Variants in ITPR1 observed in about 807,000 individuals in gnomAD.
The protein encoded by ITPR1 is inositol 1,4,5-trisphosphate-gated calcium channel ITPR1.
ITPR1 carries 96 observed loss-of-function variants against 318.4 expected under a neutral mutation model. The observed-to-expected ratio is 0.30, with a 90% CI of 0.26 to 0.36. The LOEUF (loss-of-function observed/expected upper bound fraction) is 0.36, where lower values mean the gene tolerates loss of function less well. ITPR1 is among the 10% of genes least tolerant of loss of function. The pLI is 1.00. For missense variants in ITPR1, 2,440 were observed against 3,460.2 expected, an observed-to-expected ratio of 0.71 and a Z score of 7.40; for synonymous variants, 1,312 against 1,289.9, an observed-to-expected ratio of 1.02 and a Z score of -0.37.
intron 54 of ITPR1, 149 bp downstream of exon 54, chr3:4,800,749 C>T (rs2048174845): frequency 1.2e-6 from 1 of 811,062 alleles, no homozygotes; most frequent in South Asian, 1.7e-5. Flanking sequence ...CAGGGGATGG[C>T]TGCAGGTGGA....
At chr3:4,644,039 TTCAGCACAGAC>T in intron 7 of ITPR1, 86 bp from the exon 8 acceptor site, 2 of 769,972 alleles carry the variant, frequency 2.6e-6, no homozygotes, top group Non-Finnish European at 4.6e-6. Flanking sequence ...CCTTGCCTTC[TTCAGCACAGAC>T]TCATATGTCT....
At chr3:4,837,463 T>C (rs9853970) in intron 61 of ITPR1, among the ~76,000 whole-genome samples, 147,287 of 152,090 alleles carry the variant, frequency 0.97, 71,513 homozygotes, top group East Asian at 1. Context: ...ATGCCAGGTG[T>C]TGGGGATAAA....
intron 55 of ITPR1, among the ~76,000 whole-genome samples, chr3:4,807,000 A>T (rs1304718942): frequency 1.3e-5 from 2 of 151,944 alleles, no homozygotes; most frequent in Non-Finnish European, 2.9e-5. Context: ...AACACCATAA[A>T]CAGCCTAGGA....
chr3:4,803,688 G>T (rs1352122977), intron 54 of ITPR1, among the ~76,000 whole-genome samples: 3 of 152,118 alleles, frequency 2.0e-5, no homozygotes, highest in Non-Finnish European at 4.4e-5. Flanking sequence ...TTCAGAGGCT[G>T]TCTTCTATGG....
intron 4 of ITPR1, among the ~76,000 whole-genome samples, chr3:4,573,200 C>T (rs553762724): frequency 4.6e-5 from 7 of 152,250 alleles, no homozygotes; most frequent in African/African-American, 9.6e-5. Context: ...TTTATAATCT[C>T]GCCAACAGTG....
At chr3:4,781,647 T>A (rs2046845149) in intron 49 of ITPR1, among the ~76,000 whole-genome samples, 1 of 152,194 alleles carries the variant, frequency 6.6e-6, no homozygotes, top group Non-Finnish European at 1.5e-5. Flanking sequence ...ACTTTAGGAA[T>A]GTTCTTTTAT....
At chr3:4,619,546 G>A (rs1262503288) in intron 4 of ITPR1, among the ~76,000 whole-genome samples, 5 of 104,636 alleles carry the variant, frequency 4.8e-5, no homozygotes, top group East Asian at 2.7e-4. Flanking sequence ...CCCTTCTGCC[G>A]CCCTTTCCCC....
intron 12 of ITPR1, among the ~76,000 whole-genome samples, chr3:4,654,093 T>A (rs1373503715): frequency 2.0e-5 from 3 of 152,208 alleles, no homozygotes; most frequent in Non-Finnish European, 2.9e-5. Flanking sequence ...CTGTTGTTGA[T>A]GATGGTATTT....
rs375866057 is a variant in ITPR1, at chr3:4,495,844, T to C, written c.-17+1338T>C. On this transcript the variant is annotated intron_variant, in intron 2 of 61. Coordinates refer to ENST00000649015, the MANE Select transcript of ITPR1 (RefSeq NM_001378452.1). ...AAATGGACCTCAGTTGATTTGGGGA[T>C]GCTGGTGGTGAGAGGGAAGCTAGGA... 8.5e-5 allele frequency among the ~76,000 whole-genome samples: 13 copies of C among 152,300 alleles called. No homozygotes were observed. In the South Asian group the frequency reaches 2.7e-3, roughly 32 times the overall value.
intron 44 of ITPR1, among the ~76,000 whole-genome samples, chr3:4,762,287 C>T (rs905650548): frequency 4.6e-5 from 7 of 152,194 alleles, no homozygotes; most frequent in African/African-American, 1.7e-4. Flanking sequence ...CTCCTGGTAG[C>T]TTGAAAGCAG....
chr3:4,669,028 G>T (rs1242364102), intron 18 of ITPR1, among the ~76,000 whole-genome samples: 1 of 152,192 alleles, frequency 6.6e-6, no homozygotes, highest in East Asian at 1.9e-4. Flanking sequence ...TGTCACAAAT[G>T]ATTACAATGG....
At chr3:4,653,063 A>C (rs1348723331) in intron 11 of ITPR1, among the ~76,000 whole-genome samples, 1 of 152,172 alleles carries the variant, frequency 6.6e-6, no homozygotes, top group Non-Finnish European at 1.5e-5. Context: ...TTACCTTTTA[A>C]TTTTTGTATC....
chr3:4,764,133 C>A (rs185045410), intron 44 of ITPR1, among the ~76,000 whole-genome samples: 97 of 152,290 alleles, frequency 6.4e-4, no homozygotes, highest in African/African-American at 2.3e-3. Flanking sequence ...AATTCAGTCA[C>A]CATAATTAGG....
Position 4,672,816 on chromosome 3 carries a change from A to G in ITPR1, c.2205-320A>G, listed in dbSNP as rs79546819. 0.057 allele frequency among the ~76,000 whole-genome samples: 8,677 copies of G among 152,224 alleles called. 357 individuals carry two copies. The highest frequency in any genetic ancestry group is 0.093 in the African/African-American group (3,868 of 41,528). On this transcript the variant is annotated intron_variant, in intron 20 of 61. Coordinates refer to ENST00000649015, the MANE Select transcript of ITPR1 (RefSeq NM_001378452.1). ...ATAGACAACCATCTTAGGCCTTAGC[A>G]TTCCCCCCGTTTATTTTAAAAAGTA...
In ITPR1 at chr3:4,727,144, C is replaced by T. The variant is rs1483111123; in HGVS notation, c.5191C>T (p.Pro1731Ser). ...CTAGCAGGAGCTTGAACCAAGTCCA[C>T]CCCTGCGGCAGCTGGAAGACCATAA... is the stretch of plus-strand genomic sequence containing the variant. ...NATEELEPSP[P>S]LRQLEDHKRG... is the part of the protein sequence containing the mutation. Residue 1731 changes from proline (P) to serine (S), a missense_variant, in exon 42 of 62, where the codon CCC (proline) becomes TCC (serine). This residue lies in a region of ITPR1 where 166 missense variants were observed against 143.7 expected (regional missense o/e 1.16). Coordinates refer to ENST00000649015, the MANE Select transcript of ITPR1 (RefSeq NM_001378452.1). The T allele has an allele frequency of 1.9e-6, 3 of 1,597,880 alleles. No individual in the cohort carries two copies. The highest frequency in any genetic ancestry group is 2.2e-5 in the East Asian group (1 of 44,846).
intron 36 of ITPR1, among the ~76,000 whole-genome samples, chr3:4,704,046 C>T (rs1272531147): frequency 1.3e-5 from 2 of 152,040 alleles, no homozygotes; most frequent in Non-Finnish European, 2.9e-5. Context: ...AAAGTGGGAG[C>T]TAAATATTGG....
chr3:4,783,759 C>A, intron 50 of ITPR1, 57 bp from the exon 51 acceptor site: 1 of 1,290,966 alleles, frequency 7.7e-7, no homozygotes, highest in Non-Finnish European at 1.1e-6. Flanking sequence ...AAAGGAGTTT[C>A]TGTGTTCCTG....
At chr3:4,811,522 C>A in intron 56 of ITPR1, 62 bp downstream of exon 56, 28 of 1,316,136 alleles carry the variant, frequency 2.1e-5, no homozygotes, top group Middle Eastern at 1.9e-4. Context: ...TATAACTGAA[C>A]TAAAGAAAAT....
At chr3:4,535,604 G>A (rs567319148) in intron 4 of ITPR1, among the ~76,000 whole-genome samples, 39 of 151,494 alleles carry the variant, frequency 2.6e-4, no homozygotes, top group South Asian at 2.5e-3. Context: ...CACCACGCCC[G>A]GCTAATTTTT....
Sources: gnomAD v4.1 joint callset for allele counts (sites outside exome capture counted in the v4.1 genomes callset) on GRCh38, gnomAD v4.1.1 for gene constraint, gnomAD v4.1.1 regional missense constraint, MANE v1.5 for transcripts, NCBI Gene and HGNC (gene_info 2026-07-23, HGNC 2026-07-21) for gene names.